The following SORCS2 variants were observed in gnomAD, a reference collection of about 807,000 sequenced individuals.
The protein encoded by SORCS2 is VPS10 domain-containing receptor SorCS2.
Under a neutral mutation model 141.6 loss-of-function variants are expected in SORCS2, and 100 were observed. That is an observed-to-expected ratio of 0.71 (90% CI 0.60 to 0.83). The LOEUF is 0.83. Ranked by LOEUF, SORCS2 falls within the 40% of genes least tolerant of loss-of-function variation. SORCS2 has a pLI of 0.00. For synonymous variants in SORCS2, 789 were observed against 676.9 expected (o/e 1.17, Z -2.57); for missense variants, 1,646 against 1,560.2 (o/e 1.05, Z -0.93).
chr4:7,215,693 A>C (rs1353370600), intron 1 of SORCS2, among the ~76,000 whole-genome samples: 1 of 152,252 alleles, frequency 6.6e-6, no homozygotes, highest in Non-Finnish European at 1.5e-5. Context: ...AAACACACCA[A>C]TCAGCACCCT....
chr4:7,400,758 G>T (rs7436489), intron 2 of SORCS2, among the ~76,000 whole-genome samples: 1 of 151,902 alleles, frequency 6.6e-6, no homozygotes, highest in South Asian at 2.1e-4. Flanking sequence ...TTGATGGATT[G>T]ATGGATGGAT....
In SORCS2 at chr4:7,406,876, T is replaced by C. The variant is rs370599593; in HGVS notation, c.548+10521T>C. ...CTGTATCCCATAGATTTGGGTGTGT[T>C]GTGTTTCCATTTTAGTTTGTTTCAA... On this transcript the variant is annotated intron_variant, in intron 2 of 26. Coordinates refer to ENST00000507866, the MANE Select transcript of SORCS2 (RefSeq NM_020777.3). Among the ~76,000 whole-genome samples, 126 of 152,226 alleles carry C rather than the reference T, an allele frequency of 8.3e-4. 1 individual carries two copies. Among genetic ancestry groups the C allele is most frequent in the African/African-American group, 2.9e-3 (121 of 41,578 alleles).
At chr4:7,731,490 A>G (rs1711677829) in intron 23 of SORCS2, among the ~76,000 whole-genome samples, 1 of 152,268 alleles carries the variant, frequency 6.6e-6, no homozygotes, top group Non-Finnish European at 1.5e-5. Flanking sequence ...TGGAACTACA[A>G]AAGGCCTGAA....
At chr4:7,627,169 G>C (rs1719564821) in intron 3 of SORCS2, among the ~76,000 whole-genome samples, 1 of 152,084 alleles carries the variant, frequency 6.6e-6, no homozygotes, top group African/African-American at 2.4e-5. Flanking sequence ...TATACTTGGA[G>C]AGACAGGGTT....
In SORCS2 at chr4:7,715,265, C is replaced by T. The variant is rs202181558; in HGVS notation, c.2206C>T (p.Pro736Ser). Residue 736 changes from proline to serine, a missense_variant, in exon 17 of 27, where the codon CCG becomes TCG. Coordinates refer to ENST00000507866, the MANE Select transcript of SORCS2 (RefSeq NM_020777.3). ...CAACTTCTGGTTTAACCCATTGTCC[C>T]CGCCTGACGACTGTGCCCTGGGCCA... ...SANFWFNPLS[P>S]PDDCALGQTY... 120 of 1,613,648 alleles carry T rather than the reference C, an allele frequency of 7.4e-5. No individual in the cohort carries two copies. Among genetic ancestry groups the T allele is most frequent in the Non-Finnish European group, 9.3e-5 (110 of 1,179,834 alleles).
intron 2 of SORCS2, among the ~76,000 whole-genome samples, chr4:7,445,107 CT>C (rs143792274): frequency 0.13 from 19,452 of 152,138 alleles, 2,822 homozygotes; most frequent in African/African-American, 0.37. Flanking sequence ...GCAAGATGGG[CT>C]GGCTGTCTCT....
chr4:7,625,367 G>A (rs550175890), intron 3 of SORCS2, among the ~76,000 whole-genome samples: 58 of 152,158 alleles, frequency 3.8e-4, no homozygotes, highest in African/African-American at 1.3e-3. Flanking sequence ...ACCACTCCAG[G>A]CTTCTGTTTC....
chr4:7,434,284 C>T lies in SORCS2; in HGVS notation c.548+37929C>T, dbSNP rs201914640. On this transcript the variant is annotated intron_variant, in intron 2 of 26. Coordinates refer to ENST00000507866, the MANE Select transcript of SORCS2 (RefSeq NM_020777.3). ...CAAGTCGGCCAAGGTCAAGTTGGAC[C>T]GGACAGCCTCCTGGAGTCGGGAGAC... 8.1e-5 allele frequency: 131 copies of T among 1,612,928 alleles called. 1 individual carries two copies. The highest frequency in any genetic ancestry group is 6.6e-4 in the South Asian group (60 of 91,002).
chr4:7,498,942 C>T (rs1012938921), intron 2 of SORCS2, among the ~76,000 whole-genome samples: 2 of 152,108 alleles, frequency 1.3e-5, no homozygotes, highest in African/African-American at 4.8e-5. Context: ...AGGGCAGCTC[C>T]GGGGCCAGTA....
intron 3 of SORCS2, among the ~76,000 whole-genome samples, chr4:7,582,525 C>G (rs1240228648): frequency 6.6e-6 from 1 of 152,186 alleles, no homozygotes; most frequent in East Asian, 1.9e-4. Context: ...TCGTGGGGAA[C>G]CTGGCGCTAA....
chr4:7,567,711 G>GT (rs1715121352), intron 3 of SORCS2, among the ~76,000 whole-genome samples: 1 of 152,210 alleles, frequency 6.6e-6, no homozygotes, highest in South Asian at 2.1e-4. Flanking sequence ...GGCAGCCCAT[G>GT]TTTAAGGAGT....
intron 5 of SORCS2, among the ~76,000 whole-genome samples, chr4:7,657,657 GTGAA>G (rs1463378706): frequency 6.6e-6 from 1 of 152,054 alleles, no homozygotes; most frequent in African/African-American, 2.4e-5. Context: ...GAGTGACTGA[GTGAA>G]TGAGTAATTA....
At chr4:7,550,867 T>A (rs1483345347) in intron 3 of SORCS2, among the ~76,000 whole-genome samples, 6 of 152,248 alleles carry the variant, frequency 3.9e-5, no homozygotes, top group Admixed American at 3.9e-4. Flanking sequence ...CCTTTTTCCA[T>A]CTGTCTCACC....
chr4:7,320,063 G>A (rs1718803112), intron 1 of SORCS2, among the ~76,000 whole-genome samples: 1 of 152,362 alleles, frequency 6.6e-6, no homozygotes, highest in Middle Eastern at 3.4e-3. Flanking sequence ...AGCACTTTGG[G>A]AGGCCGAGGA....
At chr4:7,629,393 G>C (rs1360944199) in intron 3 of SORCS2, among the ~76,000 whole-genome samples, 1 of 152,166 alleles carries the variant, frequency 6.6e-6, no homozygotes, top group Non-Finnish European at 1.5e-5. Context: ...CCTCGGATGT[G>C]GAACAAACAT....
chr4:7,633,049 C>T (rs1284440784), intron 3 of SORCS2, among the ~76,000 whole-genome samples: 1 of 152,164 alleles, frequency 6.6e-6, no homozygotes, highest in Non-Finnish European at 1.5e-5. Flanking sequence ...TGAGGTTGTT[C>T]AGAATTTTGT....
chr4:7,550,276 G>A (rs892487290), intron 3 of SORCS2, among the ~76,000 whole-genome samples: 5 of 151,754 alleles, frequency 3.3e-5, no homozygotes, highest in African/African-American at 9.7e-5. Context: ...CAAAGATGGG[G>A]GTGCCCAGCA....
Position 7,729,660 on chromosome 4 carries a change from T to C in SORCS2, c.3056T>C (p.Val1019Ala). 6.2e-7 allele frequency: 1 copy of C among 1,607,348 alleles called. No individual in the cohort carries two copies. Among genetic ancestry groups the C allele is most frequent in the Non-Finnish European group, 8.5e-7 (1 of 1,177,138 alleles). ...CTGCCCACTTTGGCCGATCTGTACG[T>C]GCTCCTGCCCCCTCCCAGGCCCACA... ...PGLPTLADLYVLLPPPRPTRK... is the reference protein window; with the variant it reads ...PGLPTLADLYALLPPPRPTRK... Residue 1019 changes from valine (V) to alanine (A), a missense_variant, in exon 23 of 27, where the codon GTG becomes GCG. Val to Ala is a moderately conservative substitution (Grantham distance 64). Coordinates refer to ENST00000507866, the MANE Select transcript of SORCS2 (RefSeq NM_020777.3).
chr4:7,488,386 C>T (rs1214517424), intron 2 of SORCS2, among the ~76,000 whole-genome samples: 1 of 152,216 alleles, frequency 6.6e-6, no homozygotes, highest in Non-Finnish European at 1.5e-5. Context: ...TCCTGGGGAT[C>T]AGCCTCAGTC....
Sources: allele counts gnomAD v4.1 joint callset (sites outside exome capture counted in the v4.1 genomes callset), GRCh38; gene constraint gnomAD v4.1.1; transcripts MANE v1.5; gene names NCBI Gene and HGNC (gene_info 2026-07-23, HGNC 2026-07-21).